The following CNTNAP2 variants were observed in gnomAD, a reference collection of about 807,000 sequenced individuals.
CNTNAP2 encodes the protein contactin-associated protein-like 2.
Under a neutral mutation model 155.2 loss-of-function variants are expected in CNTNAP2, and 98 were observed. The ratio of observed to expected loss-of-function variants is 0.63; its 90% CI spans 0.54 to 0.75. The LOEUF is 0.75. CNTNAP2 is among the 30% of genes least tolerant of loss of function. The pLI is 0.00. For missense variants in CNTNAP2, 1,727 were observed against 1,688.1 expected (o/e 1.02, Z -0.40); for synonymous variants, 651 against 631.2 (o/e 1.03, Z -0.47).
intron 10 of CNTNAP2, among the ~76,000 whole-genome samples, chr7:147,474,052 C>T (rs1798272674): frequency 6.6e-6 from 1 of 151,752 alleles, no homozygotes; most frequent in Non-Finnish European, 1.5e-5. Flanking sequence ...GCACTGCAGC[C>T]TGGGAGACAA....
In CNTNAP2 at chr7:146,192,476, A is replaced by AAGGCAAAGGAG. The variant is rs149165186; in HGVS notation, c.97+75505_97+75515dup. 6.0e-3 allele frequency among the ~76,000 whole-genome samples: 921 copies of AAGGCAAAGGAG among 152,288 alleles called. 7 individuals are homozygous for AAGGCAAAGGAG. Among genetic ancestry groups the AAGGCAAAGGAG allele is most frequent in the African/African-American group, 0.021 (887 of 41,552 alleles). On this transcript the variant is annotated intron_variant, in intron 1 of 23. Coordinates refer to ENST00000361727, the MANE Select transcript of CNTNAP2 (RefSeq NM_014141.6). ...CGGGGAGGCCTCATAATCCTGGTGG[A>AAGGCAAAGGAG]AGGCAAAGGAGAAGCAAAGTCACAT...
At chr7:147,598,588 T>C in intron 12 of CNTNAP2, among the ~76,000 whole-genome samples, 1 of 152,158 alleles carries the variant, frequency 6.6e-6, no homozygotes, top group Admixed American at 6.6e-5. Context: ...TTTGTAAGCC[T>C]CTGAAATGTC....
At chr7:148,166,341 A>G (rs1805657911) in intron 17 of CNTNAP2, among the ~76,000 whole-genome samples, 1 of 152,180 alleles carries the variant, frequency 6.6e-6, no homozygotes, top group Non-Finnish European at 1.5e-5. Flanking sequence ...GGCGTGAAAT[A>G]AATATTTTTT....
Position 146,365,992 on chromosome 7 carries a change from G to A in CNTNAP2, c.97+249019G>A, listed in dbSNP as rs553796105. On this transcript the variant is annotated intron_variant, in intron 1 of 23. Coordinates refer to ENST00000361727, the MANE Select transcript of CNTNAP2 (RefSeq NM_014141.6). ...TAAAACGTGTATTGGCAATAATAGTGTCTATAATAATGGGAGTATCCTTAT... is the reference window on the plus strand; with the variant it reads ...TAAAACGTGTATTGGCAATAATAGTATCTATAATAATGGGAGTATCCTTAT... Among the ~76,000 whole-genome samples, 12 of 152,212 alleles carry A rather than the reference G, an allele frequency of 7.9e-5. 1 individual carries two copies. In the South Asian group the frequency reaches 2.3e-3, roughly 29 times the overall value.
At chr7:147,710,271 A>T (rs73741883) in intron 13 of CNTNAP2, among the ~76,000 whole-genome samples, 13,191 of 152,204 alleles carry the variant, frequency 0.087, 929 homozygotes, top group Admixed American at 0.19. Context: ...AACTATCCCC[A>T]TAGCTAACAT....
At chr7:146,924,517 C>T (rs180888035) in intron 3 of CNTNAP2, among the ~76,000 whole-genome samples, 5 of 152,034 alleles carry the variant, frequency 3.3e-5, no homozygotes, top group African/African-American at 9.7e-5. Flanking sequence ...GTTCACTTTC[C>T]TTAGGAGGTC....
rs576949983 is a variant in CNTNAP2 at position 148,293,918 on chromosome 7, G to T, written c.3475+26792G>T. 1.5e-4 allele frequency among the ~76,000 whole-genome samples: 22 copies of T among 151,476 alleles called. No homozygotes were observed. The East Asian group carries it at 4.1e-3, about 28-fold the overall frequency. ...GTCATGGTGGCGCATTACTATAATC[G>T]CAGCTACTCGGGAGGCTGAGGCAGG... is the stretch of plus-strand genomic sequence containing the variant. On this transcript the variant is annotated intron_variant, in intron 21 of 23. Coordinates refer to ENST00000361727, the MANE Select transcript of CNTNAP2 (RefSeq NM_014141.6).
At position 147,062,270 on chromosome 7, in the gene CNTNAP2, A is replaced by G. The variant is rs73467073; in HGVS notation, c.550+18216A>G. On this transcript the variant is annotated intron_variant, in intron 4 of 23. Coordinates refer to ENST00000361727, the MANE Select transcript of CNTNAP2 (RefSeq NM_014141.6). Reference sequence around the variant, plus strand: ...AAAAGCAGTGTAATATCAGTATATTATTGTGATTTATATGTCACAATTTAT... The same window carrying G: ...AAAAGCAGTGTAATATCAGTATATTGTTGTGATTTATATGTCACAATTTAT... 6.9e-3 allele frequency among the ~76,000 whole-genome samples: 1,032 copies of G among 149,830 alleles called. 11 individuals are homozygous for G. Among genetic ancestry groups the G allele is most frequent in the African/African-American group, 0.024 (978 of 40,852 alleles).
intron 14 of CNTNAP2, among the ~76,000 whole-genome samples, chr7:147,916,830 C>T (rs1460119921): frequency 6.6e-6 from 1 of 152,126 alleles, no homozygotes; most frequent in Non-Finnish European, 1.5e-5. Flanking sequence ...TATTCTGTGT[C>T]CCACTGAAAG....
intron 18 of CNTNAP2, among the ~76,000 whole-genome samples, chr7:148,213,591 C>G (rs1033288281): frequency 1.7e-4 from 26 of 152,108 alleles, no homozygotes; most frequent in African/African-American, 6.3e-4. Context: ...TCCCACCCTC[C>G]CTCCAAGTCC....
At chr7:147,020,345 A>C (rs2129246293) in intron 3 of CNTNAP2, among the ~76,000 whole-genome samples, 1 of 152,298 alleles carries the variant, frequency 6.6e-6, no homozygotes, top group Non-Finnish European at 1.5e-5. Flanking sequence ...AATTAGGATG[A>C]ATTTCATAAC....
intron 20 of CNTNAP2, among the ~76,000 whole-genome samples, chr7:148,259,740 A>G (rs1431892303): frequency 6.6e-6 from 1 of 152,246 alleles, no homozygotes; most frequent in Admixed American, 6.5e-5. Flanking sequence ...TGGCTTAAAA[A>G]TGGAAATGAA....
At chr7:148,033,846 A>G (rs891115584) in intron 15 of CNTNAP2, among the ~76,000 whole-genome samples, 2 of 152,166 alleles carry the variant, frequency 1.3e-5, no homozygotes, top group East Asian at 3.9e-4. Context: ...TCTCCCTACC[A>G]GGAAACTAGC....
intron 19 of CNTNAP2, among the ~76,000 whole-genome samples, chr7:148,220,625 A>G (rs978594846): frequency 2.0e-4 from 20 of 102,276 alleles, no homozygotes; most frequent in African/African-American, 5.9e-4. Flanking sequence ...CATAAAAAAT[A>G]TAGGGATAGA....
chr7:147,286,383 A>C (rs572159355), intron 8 of CNTNAP2, among the ~76,000 whole-genome samples: 2 of 152,244 alleles, frequency 1.3e-5, no homozygotes, highest in South Asian at 4.1e-4. Flanking sequence ...AGAACAGAAC[A>C]AAACAGTGAC....
intron 1 of CNTNAP2, among the ~76,000 whole-genome samples, chr7:146,721,413 CTATA>C (rs1253948109): frequency 5.0e-5 from 6 of 119,376 alleles, no homozygotes; most frequent in Non-Finnish European, 9.9e-5. Flanking sequence ...TATATATATT[CTATA>C]TATACATTCT....
At chr7:148,193,677 G>A (rs1795233359) in intron 18 of CNTNAP2, among the ~76,000 whole-genome samples, 1 of 151,850 alleles carries the variant, frequency 6.6e-6, no homozygotes, top group Admixed American at 6.6e-5. Flanking sequence ...CTCTGGCTTG[G>A]GTATTCCACA....
At chr7:148,371,036 C>A (rs544574103) in intron 21 of CNTNAP2, among the ~76,000 whole-genome samples, 1 of 152,296 alleles carries the variant, frequency 6.6e-6, no homozygotes, top group East Asian at 1.9e-4. Context: ...CTGATCACCT[C>A]TCTGGGGTAT....
At chr7:147,732,380 G>C (rs1022342043) in intron 13 of CNTNAP2, among the ~76,000 whole-genome samples, 1 of 152,052 alleles carries the variant, frequency 6.6e-6, no homozygotes, top group Non-Finnish European at 1.5e-5. Flanking sequence ...TCCTTTTTAT[G>C]GCTGCATAGT....
Sources: gnomAD v4.1 joint callset for allele counts (sites outside exome capture counted in the v4.1 genomes callset) on GRCh38, gnomAD v4.1.1 for gene constraint, MANE v1.5 for transcripts, NCBI Gene and HGNC (gene_info 2026-07-23, HGNC 2026-07-21) for gene names.